The following NCKAP5 variants were observed in gnomAD, a reference collection of about 807,000 sequenced individuals.
The protein encoded by NCKAP5 is nck-associated protein 5.
Under a neutral mutation model 167.0 loss-of-function variants are expected in NCKAP5, and 92 were observed. The observed-to-expected ratio is 0.55, with a 90% CI of 0.47 to 0.66. The LOEUF is 0.66. Among genes scored for constraint, NCKAP5 ranks in the 30% least tolerant of loss-of-function variants. The pLI is 0.00. For missense variants in NCKAP5, 2,378 were observed against 2,315.0 expected, an observed-to-expected ratio of 1.03 and a Z score of -0.56; for synonymous variants, 891 against 877.4, an observed-to-expected ratio of 1.02 and a Z score of -0.27.
chr2:132,744,631 A>G (rs1166504672), intron 16 of NCKAP5, among the ~76,000 whole-genome samples: 1 of 129,846 alleles, frequency 7.7e-6, no homozygotes, highest in Admixed American at 7.9e-5. Context: ...GAAATTAAGA[A>G]AATTAAAAAA....
At chr2:132,832,741 T>C (rs1687610248) in intron 11 of NCKAP5, among the ~76,000 whole-genome samples, 2 of 152,234 alleles carry the variant, frequency 1.3e-5, no homozygotes, top group Admixed American at 1.3e-4. Context: ...TATGTATATA[T>C]ACCACATTTC....
chr2:132,772,763 A>T (rs1199018237), intron 16 of NCKAP5, among the ~76,000 whole-genome samples: 3 of 152,250 alleles, frequency 2.0e-5, no homozygotes. Context: ...TAATAATGGC[A>T]TGCCAGTCTC....
At position 133,518,344 on chromosome 2, in the gene NCKAP5, ATTT is replaced by A. The variant is rs751025050; in HGVS notation, c.-61-760_-61-758del. Among the ~76,000 whole-genome samples, 263 of 74,648 alleles carry A rather than the reference ATTT, an allele frequency of 3.5e-3. 10 individuals carry two copies. The highest frequency in any genetic ancestry group is 0.01 in the African/African-American group (219 of 20,940). The allele number at this position is 74,648 out of a possible 152,430, so 49.0% of individuals were successfully genotyped here. ...TAAAAGAAATGGGTTACAGTAAAGG[ATTT>A]TTTTTTTTTTTTTTTTTTTTTTTTT... On this transcript the variant is annotated intron_variant, in intron 2 of 19. Transcript: ENST00000409261.
intron 5 of NCKAP5, among the ~76,000 whole-genome samples, chr2:133,212,896 G>A (rs989206348): frequency 2.0e-5 from 3 of 152,126 alleles, no homozygotes; most frequent in Non-Finnish European, 4.4e-5. Flanking sequence ...TTCAGTGGAT[G>A]GCCTGTCAAT....
chr2:133,180,827 A>AG (rs1203209145), intron 5 of NCKAP5, among the ~76,000 whole-genome samples: 2 of 152,312 alleles, frequency 1.3e-5, no homozygotes, highest in African/African-American at 4.8e-5. Flanking sequence ...CAAGCAAATG[A>AG]GGCTATATCG....
At chr2:132,876,631 T>C (rs1691302899) in intron 9 of NCKAP5, among the ~76,000 whole-genome samples, 1 of 152,232 alleles carries the variant, frequency 6.6e-6, no homozygotes, top group South Asian at 2.1e-4. Flanking sequence ...TAAAACAACC[T>C]GCATGTGTAA....
intron 16 of NCKAP5, among the ~76,000 whole-genome samples, chr2:132,732,857 G>C (rs375372358): frequency 2.6e-4 from 40 of 152,304 alleles, no homozygotes; most frequent in African/African-American, 9.6e-4. Flanking sequence ...TCACACGCCA[G>C]AAGGGTCATC....
intron 3 of NCKAP5, among the ~76,000 whole-genome samples, chr2:133,510,378 GGTAT>G (rs58950504): frequency 0.12 from 17,645 of 151,796 alleles, 1,873 homozygotes; most frequent in African/African-American, 0.28. Context: ...TATATATATG[GGTAT>G]GTGTGTACAC....
the NCKAP5 span, among the ~76,000 whole-genome samples, chr2:133,587,074 T>TA: frequency 6.6e-6 from 1 of 152,282 alleles, no homozygotes; most frequent in Non-Finnish European, 1.5e-5. Context: ...TGCCCTGCCC[T>TA]AATCTAGCAG....
At chr2:133,332,481 AG>A (rs1276741644) in intron 3 of NCKAP5, among the ~76,000 whole-genome samples, 1 of 152,200 alleles carries the variant, frequency 6.6e-6, no homozygotes, top group Non-Finnish European at 1.5e-5. Context: ...CAATTATCTC[AG>A]GGGTGCATTT....
chr2:132,862,414 GAGAAA>G (rs1160301655), intron 10 of NCKAP5, among the ~76,000 whole-genome samples: 1 of 152,190 alleles, frequency 6.6e-6, no homozygotes, highest in African/African-American at 2.4e-5. Flanking sequence ...ATGGAGAGCA[GAGAAA>G]AGAAATGTCA....
At chr2:132,688,399 C>CA (rs1686241297) in intron 19 of NCKAP5, among the ~76,000 whole-genome samples, 1 of 152,024 alleles carries the variant, frequency 6.6e-6, no homozygotes. Flanking sequence ...CCACTGAAGA[C>CA]AAAAACACAC....
At chr2:133,401,595 G>C (rs1223690184) in intron 3 of NCKAP5, among the ~76,000 whole-genome samples, 1 of 152,132 alleles carries the variant, frequency 6.6e-6, no homozygotes, top group East Asian at 1.9e-4. Flanking sequence ...ATGGGTGTGT[G>C]AAAAACCCAC....
chr2:133,284,793 C>T (rs2090049194), intron 4 of NCKAP5: 1 of 152,194 alleles, frequency 6.6e-6, no homozygotes, highest in Admixed American at 6.5e-5. Context: ...ACAATTTCTT[C>T]TTTGATTTGC....
chr2:133,524,765 C>G (rs1387258886), intron 2 of NCKAP5, among the ~76,000 whole-genome samples: 1 of 152,162 alleles, frequency 6.6e-6, no homozygotes, highest in African/African-American at 2.4e-5. Flanking sequence ...TTTCTGTATG[C>G]TTTAAACACG....
chr2:132,883,713 G>A (rs562643646), intron 8 of NCKAP5, among the ~76,000 whole-genome samples: 8 of 152,266 alleles, frequency 5.3e-5, no homozygotes, highest in Admixed American at 1.3e-4. Flanking sequence ...GGGCACACAC[G>A]CTGGCAGCAG....
the NCKAP5 span, among the ~76,000 whole-genome samples, chr2:133,637,619 G>C: frequency 1.6e-5 from 2 of 126,684 alleles, 1 homozygote; most frequent in South Asian, 4.7e-4. Context: ...TTTAGTGGAT[G>C]TTTTAAAAAG....
chr2:133,156,810 T>C (rs2083594221), intron 5 of NCKAP5, among the ~76,000 whole-genome samples: 1 of 152,156 alleles, frequency 6.6e-6, no homozygotes, highest in East Asian at 1.9e-4. Context: ...TGACTTTGTC[T>C]CTATTTAACA....
chr2:133,658,689 A>G, the NCKAP5 span, among the ~76,000 whole-genome samples: 1 of 152,102 alleles, frequency 6.6e-6, no homozygotes, highest in African/African-American at 2.4e-5. Flanking sequence ...AGGATTCTCA[A>G]CCACTGTGAT....
Sources: allele counts gnomAD v4.1 joint callset (sites outside exome capture counted in the v4.1 genomes callset), GRCh38; gene constraint gnomAD v4.1.1; transcripts MANE v1.5; gene names NCBI Gene and HGNC (gene_info 2026-07-23, HGNC 2026-07-21).